The following SIPA1L2 variants were observed in gnomAD, a reference collection of about 807,000 sequenced individuals.
SIPA1L2 encodes signal-induced proliferation-associated 1-like protein 2.
Under a neutral mutation model 163.9 loss-of-function variants are expected in SIPA1L2, and 56 were observed. The observed-to-expected ratio is 0.34, with a 90% CI of 0.28 to 0.43. The LOEUF (loss-of-function observed/expected upper bound fraction) is 0.43. SIPA1L2 is among the 20% of genes least tolerant of loss of function. SIPA1L2 has a pLI of 1.00. For synonymous variants in SIPA1L2, 877 were observed against 865.7 expected, an observed-to-expected ratio of 1.01 and a Z score of -0.23; for missense variants, 1,974 against 2,193.5, an observed-to-expected ratio of 0.90 and a Z score of 2.00.
chr1:232,516,570 C>A (rs936038074), intron 2 of SIPA1L2, among the ~76,000 whole-genome samples: 3 of 152,046 alleles, frequency 2.0e-5, no homozygotes, highest in South Asian at 2.1e-4. Context: ...CCTAAAATAT[C>A]ATTTTATTTC....
At chr1:232,435,502 GC>G (rs1316194098) in intron 15 of SIPA1L2, among the ~76,000 whole-genome samples, 1 of 152,168 alleles carries the variant, frequency 6.6e-6, no homozygotes, top group Non-Finnish European at 1.5e-5. Flanking sequence ...CTGGACTAAT[GC>G]TCTTCTTTCG....
intron 2 of SIPA1L2, among the ~76,000 whole-genome samples, chr1:232,529,454 C>T (rs1667869275): frequency 6.6e-6 from 1 of 152,196 alleles, no homozygotes; most frequent in Admixed American, 6.5e-5. Flanking sequence ...AAGCTGGGCA[C>T]AGAAGAATGG....
chr1:232,467,087 T>C (rs1664558627), intron 8 of SIPA1L2, among the ~76,000 whole-genome samples: 1 of 152,238 alleles, frequency 6.6e-6, no homozygotes, highest in African/African-American at 2.4e-5. Flanking sequence ...TTCTGAAATG[T>C]GGTTGGTTAG....
intron 2 of SIPA1L2, among the ~76,000 whole-genome samples, chr1:232,538,112 G>C (rs987801346): frequency 5.9e-5 from 9 of 152,216 alleles, no homozygotes; most frequent in African/African-American, 2.2e-4. Context: ...ACAACAAAAA[G>C]TCTCAGTAAT....
intron 5 of SIPA1L2, among the ~76,000 whole-genome samples, chr1:232,488,520 T>C (rs1323606842): frequency 6.6e-6 from 1 of 152,226 alleles, no homozygotes; most frequent in East Asian, 1.9e-4. Context: ...GGGAATCTGA[T>C]ACCATTAAGA....
At chr1:232,496,835 A>G (rs962250130) in intron 3 of SIPA1L2, among the ~76,000 whole-genome samples, 1 of 152,222 alleles carries the variant, frequency 6.6e-6, no homozygotes, top group Non-Finnish European at 1.5e-5. Flanking sequence ...AAAAATATTA[A>G]CAAAGCACAC....
rs148888792 is a variant in SIPA1L2 at position 232,444,853 on chromosome 1, A to G, written c.3353+676T>C. On this transcript the variant is annotated intron_variant, in intron 11 of 22. Coordinates refer to ENST00000674635, the MANE Select transcript of SIPA1L2 (RefSeq NM_020808.5). ...ACCAGAGCCTGACAAGTCATAATTG[A>G]GAAAACTCATGGCATTACCGTGCCT... Among the ~76,000 whole-genome samples the G allele has an allele frequency of 3.3e-5, 5 of 152,350 alleles. No individual in the cohort carries two copies. In the East Asian group the frequency reaches 9.6e-4, roughly 29 times the overall value.
At chr1:232,492,214 T>C (rs1665966995) in intron 4 of SIPA1L2, among the ~76,000 whole-genome samples, 1 of 152,128 alleles carries the variant, frequency 6.6e-6, no homozygotes, top group Admixed American at 6.5e-5. Flanking sequence ...AGAAAAGGGC[T>C]CTGTGTTTTC....
intron 1 of SIPA1L2, among the ~76,000 whole-genome samples, chr1:232,589,090 G>A (rs114442146): frequency 0.01 from 1,584 of 152,292 alleles, 33 homozygotes; most frequent in African/African-American, 0.036. Flanking sequence ...TTAGGTGGCA[G>A]TTCCCTCAAG....
chr1:232,598,406 TC>T (rs1386164749), intron 1 of SIPA1L2, among the ~76,000 whole-genome samples: 1 of 152,106 alleles, frequency 6.6e-6, no homozygotes, highest in African/African-American at 2.4e-5. Context: ...TGAAACCCTC[TC>T]TCTAAAAGAA....
At chr1:232,427,236 C>T (rs1421100111) in intron 17 of SIPA1L2, among the ~76,000 whole-genome samples, 1 of 152,186 alleles carries the variant, frequency 6.6e-6, no homozygotes, top group African/African-American at 2.4e-5. Flanking sequence ...AAAAAAGACT[C>T]ATTATGATGG....
chr1:232,406,076 C>T (rs777994898), intron 19 of SIPA1L2, among the ~76,000 whole-genome samples: 3 of 152,174 alleles, frequency 2.0e-5, no homozygotes, highest in Non-Finnish European at 2.9e-5. Context: ...AAAGAGGATG[C>T]TATTTGATTA....
chr1:232,519,611 T>C (rs1667373329), intron 2 of SIPA1L2, among the ~76,000 whole-genome samples: 1 of 152,218 alleles, frequency 6.6e-6, no homozygotes, highest in Admixed American at 6.5e-5. Flanking sequence ...TTTTACATCA[T>C]TTTGTCATTC....
chr1:232,452,502 G>A (rs1663643252), intron 10 of SIPA1L2, among the ~76,000 whole-genome samples: 1 of 152,116 alleles, frequency 6.6e-6, no homozygotes, highest in African/African-American at 2.4e-5. Context: ...CCCCCAAGAT[G>A]GCATCCACCC....
chr1:232,548,760 G>C (rs568033281), intron 2 of SIPA1L2, among the ~76,000 whole-genome samples: 2 of 152,142 alleles, frequency 1.3e-5, no homozygotes, highest in Admixed American at 1.3e-4. Context: ...AACAGAGGGG[G>C]CCCAGATCAA....
At chr1:232,547,015 T>C (rs111775941) in intron 2 of SIPA1L2, among the ~76,000 whole-genome samples, 1,587 of 152,264 alleles carry the variant, frequency 0.01, 30 homozygotes, top group African/African-American at 0.036. Context: ...AATTAGTACC[T>C]GCCTGACTAT....
Position 232,465,196 on chromosome 1 carries a change from C to A in SIPA1L2, c.2464G>T (p.Val822Leu). The A allele has an allele frequency of 6.2e-7, 1 of 1,614,196 alleles. No homozygotes were observed. The highest frequency in any genetic ancestry group is 8.5e-7 in the Non-Finnish European group (1 of 1,180,026). ...LAENFVTTATVDTSVKFSFIT... is the reference protein window; with the variant it reads ...LAENFVTTATLDTSVKFSFIT... ...AAGCTGAACTTCACAGAGGTATCCACGGTGGCGGTTGTGACAAAGTTCTCC... is the reference window on the plus strand; with the variant it reads ...AAGCTGAACTTCACAGAGGTATCCAAGGTGGCGGTTGTGACAAAGTTCTCC... Residue 822 changes from valine (V) to leucine (L), a missense_variant, in exon 9 of 23, where the codon GTG becomes TTG. By Grantham distance (32) the Val-to-Leu change is conservative (BLOSUM62 1). Around this residue, in one of 3 missense-constraint regions of SIPA1L2, gnomAD observed 288 missense variants for 418.9 expected, o/e 0.69. Transcript: ENST00000674635. The surrounding 1 kb of genome is among the most constrained non-coding windows in gnomAD (Gnocchi z 4.1).
chr1:232,425,903 G>T, intron 17 of SIPA1L2, 95 bp from the exon 18 acceptor site: 2 of 1,098,372 alleles, frequency 1.8e-6, no homozygotes, highest in Middle Eastern at 2.2e-4. Context: ...ACATACTATT[G>T]TGATAGCTTC....
At chr1:232,504,630 G>T (rs559846522) in intron 3 of SIPA1L2, among the ~76,000 whole-genome samples, 60 of 152,012 alleles carry the variant, frequency 3.9e-4, no homozygotes, top group Non-Finnish European at 7.1e-4. Context: ...GAATTTACCA[G>T]GAAGTTTTGA....
Sources: gnomAD v4.1 joint callset for allele counts (sites outside exome capture counted in the v4.1 genomes callset) on GRCh38, gnomAD v4.1.1 for gene constraint, gnomAD v4.1.1 regional missense constraint, Gnocchi (gnomAD v3.1) non-coding constraint, MANE v1.5 for transcripts, NCBI Gene and HGNC (gene_info 2026-07-23, HGNC 2026-07-21) for gene names.